The following ACSF3 variants were observed in gnomAD, a reference collection of about 807,000 sequenced individuals.
The protein encoded by ACSF3 is acyl-CoA synthetase family member 3.
Under a neutral mutation model 53.2 loss-of-function variants are expected in ACSF3, and 78 were observed. The observed-to-expected ratio is 1.47, with a 90% CI of 1.22 to 1.77. The LOEUF is 1.77. Ranked by LOEUF, ACSF3 falls within the 40% of genes most tolerant of loss-of-function variation. The pLI is 0.00. For missense variants in ACSF3, 937 were observed against 771.1 expected, an observed-to-expected ratio of 1.22 and a Z score of -2.55; for synonymous variants, 414 against 333.1, an observed-to-expected ratio of 1.24 and a Z score of -2.65.
At chr16:89,115,034 A>C (rs1244421726) in intron 6 of ACSF3, 4 of 229,354 alleles carry the variant, frequency 1.7e-5, no homozygotes, top group Admixed American at 1.6e-4. Flanking sequence ...ATCTGACCCA[A>C]CCATTTGAGC....
chr16:89,106,511 C>G (rs1976005230), intron 4 of ACSF3, among the ~76,000 whole-genome samples: 1 of 152,102 alleles, frequency 6.6e-6, no homozygotes, highest in South Asian at 2.1e-4. Context: ...CCAGGCTGGT[C>G]TAGAACTCCG....
At chr16:89,114,203 C>A in intron 5 of ACSF3, 136 bp from the exon 6 acceptor site, 2 of 1,188,462 alleles carry the variant, frequency 1.7e-6, no homozygotes, top group South Asian at 1.3e-5. Flanking sequence ...GTACCCACGG[C>A]CTGGGGCTCC....
intron 8 of ACSF3, among the ~76,000 whole-genome samples, chr16:89,141,906 C>T (rs1283274579): frequency 6.6e-6 from 1 of 152,242 alleles, no homozygotes; most frequent in Non-Finnish European, 1.5e-5. Flanking sequence ...CTCTCAGAAT[C>T]ATCCCCGAGA....
At chr16:89,094,465 A>G (rs1394479398) in intron 1 of ACSF3, among the ~76,000 whole-genome samples, 1 of 152,192 alleles carries the variant, frequency 6.6e-6, no homozygotes, top group East Asian at 1.9e-4. Flanking sequence ...TCTATGAGCA[A>G]GCAATGGAGA....
intron 8 of ACSF3, among the ~76,000 whole-genome samples, chr16:89,142,541 ACACCT>A (rs1567741226): frequency 9.0e-6 from 1 of 111,558 alleles, no homozygotes; most frequent in Non-Finnish European, 1.9e-5. Flanking sequence ...AGACACACCC[ACACCT>A]GCAGACACAC....
intron 8 of ACSF3, among the ~76,000 whole-genome samples, chr16:89,141,933 A>G (rs1277154395): frequency 2.6e-5 from 4 of 152,174 alleles, no homozygotes; most frequent in Admixed American, 2.0e-4. Context: ...TCCATCACAG[A>G]GACAGGTCTC....
intron 10 of ACSF3, chr16:89,150,902 C>A: frequency 3.0e-6 from 3 of 993,272 alleles, no homozygotes; most frequent in Non-Finnish European, 4.0e-6. Flanking sequence ...GGAAGGGAGG[C>A]AGGAGGAAGT....
At chr16:89,103,173 G>A (rs932794617) in intron 4 of ACSF3, among the ~76,000 whole-genome samples, 5 of 152,248 alleles carry the variant, frequency 3.3e-5, no homozygotes, top group East Asian at 1.9e-4. Context: ...TGGGCCACGC[G>A]TCATTGAAAC....
chr16:89,143,699 T>A (rs1912328833), intron 8 of ACSF3, among the ~76,000 whole-genome samples: 1 of 152,080 alleles, frequency 6.6e-6, no homozygotes, highest in Non-Finnish European at 1.5e-5. Context: ...CCGCCCAGAC[T>A]ACCCCAGGGG....
chr16:89,128,345 C>T (rs943608525), intron 7 of ACSF3, among the ~76,000 whole-genome samples: 4 of 151,766 alleles, frequency 2.6e-5, no homozygotes, highest in Non-Finnish European at 5.9e-5. Flanking sequence ...ACTGCAACCT[C>T]AGCCTCCCAG....
intron 8 of ACSF3, among the ~76,000 whole-genome samples, chr16:89,140,910 G>C (rs147672882): frequency 1.3e-3 from 191 of 152,310 alleles, no homozygotes; most frequent in African/African-American, 4.2e-3. Flanking sequence ...TTGCTACATT[G>C]TATCTGTCAG....
chr16:89,133,165 G>T lies in ACSF3; in HGVS notation c.1269G>T (p.Gly423=). 1 of 1,614,076 alleles carries T rather than the reference G, an allele frequency of 6.2e-7. No individual in the cohort carries two copies. The highest frequency in any genetic ancestry group is 8.5e-7 in the Non-Finnish European group (1 of 1,180,024). ...CCCCAGGGTTTGAAGAAAAGGAGGG[G>T]GAGCTGCTGGTGAGGGGACCCTCCG... ...KVTPGFEEKE[G]ELLVRGPSVF... is the part of the protein sequence containing the mutation. The change falls in exon 8 of 11, where the codon GGG becomes GGT. Residue 423 remains glycine (G), a synonymous_variant. Transcript: ENST00000614302.
intron 6 of ACSF3, among the ~76,000 whole-genome samples, chr16:89,119,303 T>C (rs952014456): frequency 6.6e-6 from 1 of 152,170 alleles, no homozygotes; most frequent in African/African-American, 2.4e-5. Context: ...CCCGCCCCAG[T>C]AGAGGCATCA....
At position 89,101,001 on chromosome 16, in the gene ACSF3, C is replaced by T. The variant is rs769716004; in HGVS notation, c.320C>T (p.Ser107Phe). 3 of 1,613,610 alleles carry T rather than the reference C, an allele frequency of 1.9e-6. No individual in the cohort carries two copies. Among genetic ancestry groups the T allele is most frequent in the South Asian group, 1.1e-5 (1 of 91,092 alleles). Residue 107 changes from serine (S) to phenylalanine (F), a missense_variant, in exon 3 of 11, where the codon TCC (serine) becomes TTC (phenylalanine). Coordinates refer to ENST00000614302, the MANE Select transcript of ACSF3 (RefSeq NM_001243279.3). ...TCCTTCCTATGCGCTAACGATGCCT[C>T]CTACGTCGTGGCCCAGTGGGCGTCA... is the stretch of plus-strand genomic sequence containing the variant. ...RVSFLCANDASYVVAQWASWM... is the reference protein window; with the variant it reads ...RVSFLCANDAFYVVAQWASWM...
Position 89,094,288 on chromosome 16 carries a change from A to G in ACSF3, c.-194+292A>G, listed in dbSNP as rs1974353799. On this transcript the variant is annotated intron_variant, in intron 1 of 10. Coordinates refer to ENST00000614302, the MANE Select transcript of ACSF3 (RefSeq NM_001243279.3). ...GCGGGGTCCGTGTTCAGGCATCCTC[A>G]GAACGAATCGTCTTTGGTTGTGTTT... Among the ~76,000 whole-genome samples, 3 of 152,160 alleles carry G rather than the reference A, an allele frequency of 2.0e-5. No individual in the cohort carries two copies. The South Asian group carries it at 6.2e-4, about 31-fold the overall frequency.
intron 5 of ACSF3, chr16:89,113,823 C>T (rs1214289346): frequency 3.9e-6 from 1 of 258,956 alleles, no homozygotes; most frequent in African/African-American, 2.2e-5. Context: ...TTCTGAGCCC[C>T]TTGGGTGTGC....
chr16:89,109,451 G>C (rs1228173332), intron 4 of ACSF3, among the ~76,000 whole-genome samples: 1 of 110,562 alleles, frequency 9.0e-6, no homozygotes, highest in Non-Finnish European at 1.7e-5. Context: ...TCACTCTGTC[G>C]CTCAGGCTGG....
chr16:89,101,146 C>T lies in ACSF3; in HGVS notation c.465C>T (p.Leu155=), dbSNP rs1377484799. ...TTGCCAGCCAGGAGTACCTGGAGCT[C>T]CTGAGCCCGGTGGTCAGGAAGCTGG... ...VVLASQEYLE[L]LSPVVRKLGV... Residue 155 remains leucine (L), a synonymous_variant, in exon 3 of 11, where the codon CTC becomes CTT. Coordinates refer to ENST00000614302, the MANE Select transcript of ACSF3 (RefSeq NM_001243279.3). 4 of 1,613,842 alleles carry T rather than the reference C, an allele frequency of 2.5e-6. No individual in the cohort carries two copies. The highest frequency in any genetic ancestry group is 1.7e-5 in the Admixed American group (1 of 60,018).
At position 89,146,201 on chromosome 16, in the gene ACSF3, G is replaced by T. The variant is rs1054255195; in HGVS notation, c.1613+152G>T. ...GAGGGTCCTTAGAGACCTGAAGGCC[G>T]CACACAGCAGGTAGAGACGAGGGCA... On this transcript the variant is annotated intron_variant, in intron 10 of 10. Coordinates refer to ENST00000614302, the MANE Select transcript of ACSF3 (RefSeq NM_001243279.3). The T allele has an allele frequency of 8.0e-6, 5 of 623,716 alleles. 1 individual carries two copies. The highest frequency in any genetic ancestry group is 1.4e-5 in the Non-Finnish European group (5 of 355,156). 38.6% of individuals were successfully genotyped at this position (623,716 alleles called of 1,614,324 possible).
Sources: allele counts gnomAD v4.1 joint callset (sites outside exome capture counted in the v4.1 genomes callset), GRCh38; gene constraint gnomAD v4.1.1; transcripts MANE v1.5; gene names NCBI Gene and HGNC (gene_info 2026-07-23, HGNC 2026-07-21).